CADPS2: variants seen among roughly 807,000 people sequenced by gnomAD.
CADPS2 encodes the protein calcium-dependent secretion activator 2.
In CADPS2, 93 loss-of-function variants were observed where a neutral mutation model predicts 172.5. That is an observed-to-expected ratio of 0.54 (90% CI 0.46 to 0.64). The LOEUF (loss-of-function observed/expected upper bound fraction) is 0.64, where lower values mean the gene tolerates loss of function less well. Ranked by LOEUF, CADPS2 falls within the 30% of genes least tolerant of loss-of-function variation. The pLI, the probability that CADPS2 is intolerant of heterozygous loss-of-function variation, is 0.00. For missense variants in CADPS2, 1,420 were observed against 1,565.9 expected, an observed-to-expected ratio of 0.91 and a Z score of 1.57; for synonymous variants, 546 against 555.2, an observed-to-expected ratio of 0.98 and a Z score of 0.23.
chr7:122,836,255 G>C (rs1808371695), intron 1 of CADPS2, among the ~76,000 whole-genome samples: 1 of 152,060 alleles, frequency 6.6e-6, no homozygotes, highest in Non-Finnish European at 1.5e-5. Context: ...CACCAGGCCT[G>C]CCCTAAAAGA....
At chr7:122,395,574 G>T (rs182251633) in intron 20 of CADPS2, 22 of 152,212 alleles carry the variant, frequency 1.4e-4, no homozygotes, top group Admixed American at 7.2e-4. Flanking sequence ...ACCTAAATAA[G>T]CATGCTAAAC....
At chr7:122,397,965 A>G (rs1030782670) in intron 20 of CADPS2, among the ~76,000 whole-genome samples, 2 of 152,202 alleles carry the variant, frequency 1.3e-5, no homozygotes, top group Admixed American at 6.5e-5. Context: ...TTTCCCGAAA[A>G]GATTCCATGT....
intron 8 of CADPS2, among the ~76,000 whole-genome samples, chr7:122,528,975 T>A (rs2061517988): frequency 6.6e-6 from 1 of 152,150 alleles, no homozygotes; most frequent in Admixed American, 6.6e-5. Flanking sequence ...TACTTAATTC[T>A]ACTTAAATAA....
intron 28 of CADPS2, among the ~76,000 whole-genome samples, chr7:122,336,835 A>T (rs2035933772): frequency 6.6e-6 from 1 of 152,144 alleles, no homozygotes; most frequent in Non-Finnish European, 1.5e-5. Context: ...ATTCAAGCAA[A>T]ATCCTCTGGT....
chr7:122,479,291 C>T (rs1322970275), intron 12 of CADPS2, among the ~76,000 whole-genome samples: 1 of 152,176 alleles, frequency 6.6e-6, no homozygotes, highest in East Asian at 1.9e-4. Context: ...CCTGTAGCTG[C>T]ATTTACCACT....
chr7:122,515,826 T>A (rs1483817390), intron 8 of CADPS2, among the ~76,000 whole-genome samples: 1 of 138,722 alleles, frequency 7.2e-6, no homozygotes, highest in East Asian at 2.3e-4. Flanking sequence ...AATAAAAAAA[T>A]TAATTAAAAA....
At chr7:122,794,553 TCATCAAGAC>T (rs763093892) in intron 1 of CADPS2, among the ~76,000 whole-genome samples, 1 of 151,934 alleles carries the variant, frequency 6.6e-6, no homozygotes, top group Non-Finnish European at 1.5e-5. Flanking sequence ...CAATATTAAA[TCATCAAGAC>T]AGAAAACTAA....
intron 2 of CADPS2, among the ~76,000 whole-genome samples, chr7:122,675,640 A>C (rs1475821367): frequency 6.6e-6 from 1 of 152,178 alleles, no homozygotes; most frequent in East Asian, 1.9e-4. Context: ...ACGCAGCCAT[A>C]AAAAAAGAAT....
At chr7:122,686,478 C>T (rs1179939507) in intron 2 of CADPS2, among the ~76,000 whole-genome samples, 2 of 152,088 alleles carry the variant, frequency 1.3e-5, no homozygotes, top group Admixed American at 6.5e-5. Context: ...AACTCGAGTA[C>T]GCATTAGAAT....
At chr7:122,389,419 G>A (rs958292322) in intron 22 of CADPS2, among the ~76,000 whole-genome samples, 10 of 151,904 alleles carry the variant, frequency 6.6e-5, no homozygotes, top group African/African-American at 1.9e-4. Context: ...ATCTAACTGT[G>A]GAGCCAAGAT....
chr7:122,643,313 AATT>A (rs1459936231), intron 3 of CADPS2, among the ~76,000 whole-genome samples: 13 of 152,314 alleles, frequency 8.5e-5, no homozygotes, highest in African/African-American at 2.6e-4. Context: ...TTGAATCAAA[AATT>A]ATTTACAATA....
chr7:122,352,935 A>G (rs702421), intron 27 of CADPS2, among the ~76,000 whole-genome samples: 121,871 of 152,164 alleles, frequency 0.8, 49,624 homozygotes, highest in African/African-American at 0.94. Flanking sequence ...AGTAGTGAGC[A>G]GGAACTAGGG....
At chr7:122,358,643 T>G (rs1563142178) in intron 27 of CADPS2, among the ~76,000 whole-genome samples, 1 of 152,132 alleles carries the variant, frequency 6.6e-6, no homozygotes, top group Non-Finnish European at 1.5e-5. Flanking sequence ...GAGCCAGCGC[T>G]CTTTTTCTCA....
At chr7:122,392,402 A>T (rs1731326139) in intron 22 of CADPS2, among the ~76,000 whole-genome samples, 1 of 142,420 alleles carries the variant, frequency 7.0e-6, no homozygotes, top group African/African-American at 3.0e-5. Flanking sequence ...TTTTTTTTTT[A>T]AATCATCACA....
At chr7:122,367,377 T>C (rs950606373) in intron 25 of CADPS2, among the ~76,000 whole-genome samples, 1 of 59,560 alleles carries the variant, frequency 1.7e-5, no homozygotes, top group Non-Finnish European at 4.1e-5. Flanking sequence ...TCCTAAATCC[T>C]TTTTTTTTGG....
chr7:122,675,631 C>A (rs543172084), intron 2 of CADPS2, among the ~76,000 whole-genome samples: 1 of 152,160 alleles, frequency 6.6e-6, no homozygotes, highest in East Asian at 1.9e-4. Flanking sequence ...TGGAATACCA[C>A]GCAGCCATAA....
chr7:122,852,865 A>G (rs1042874025), intron 1 of CADPS2, among the ~76,000 whole-genome samples: 9 of 152,142 alleles, frequency 5.9e-5, no homozygotes, highest in African/African-American at 1.7e-4. Context: ...TAGAGAACAG[A>G]TAAGGGTTGG....
intron 1 of CADPS2, among the ~76,000 whole-genome samples, chr7:122,795,273 G>A (rs1049988429): frequency 6.6e-6 from 1 of 151,968 alleles, no homozygotes; most frequent in Non-Finnish European, 1.5e-5. Context: ...CAACAAGGGG[G>A]ATATTACCAC....
chr7:122,865,040 G>C (rs1425748444), intron 1 of CADPS2, among the ~76,000 whole-genome samples: 3 of 152,142 alleles, frequency 2.0e-5, no homozygotes, highest in African/African-American at 7.2e-5. Context: ...TTGGGTGATG[G>C]GGGTGGACAC....
Sources: allele counts gnomAD v4.1 joint callset (sites outside exome capture counted in the v4.1 genomes callset), GRCh38; gene constraint gnomAD v4.1.1; transcripts MANE v1.5; gene names NCBI Gene and HGNC (gene_info 2026-07-23, HGNC 2026-07-21).